POF1B: variants seen among roughly 807,000 people sequenced by gnomAD.
POF1B encodes protein POF1B.
In POF1B, 53 loss-of-function variants were observed where a neutral mutation model predicts 55.3. The ratio of observed to expected loss-of-function variants is 0.96; its 90% CI spans 0.77 to 1.20. The LOEUF (loss-of-function observed/expected upper bound fraction) is 1.20. POF1B is among the 50% of genes most tolerant of loss of function. The pLI, the probability that POF1B is intolerant of heterozygous loss-of-function variation, is 0.00. For synonymous variants in POF1B, 188 were observed against 148.3 expected, an observed-to-expected ratio of 1.27 and a Z score of -1.95; for missense variants, 478 against 420.5, an observed-to-expected ratio of 1.14 and a Z score of -1.20.
intron 3 of POF1B, among the ~76,000 whole-genome samples, chrX:85,361,759 T>C (rs1037125443): frequency 7.2e-5 from 8 of 111,703 alleles, no homozygotes; most frequent in African/African-American, 2.6e-4. Flanking sequence ...ATATCCTTGG[T>C]AGTTTAATAG....
chrX:85,326,281 CG>C (rs146420757), intron 7 of POF1B, among the ~76,000 whole-genome samples: 4,764 of 111,512 alleles, frequency 0.043, 154 homozygotes, highest in South Asian at 0.33. Context: ...ATGGTGGTGG[CG>C]GGGGAGGTAT....
chrX:85,307,341 G>A, intron 10 of POF1B, 65 bp from the exon 11 acceptor site: 2 of 664,691 alleles, frequency 3.0e-6, no homozygotes, highest in Non-Finnish European at 4.5e-6. Flanking sequence ...ATAATACAAA[G>A]ACTTGCTTAC....
At chrX:85,352,650 G>C (rs931436726) in intron 4 of POF1B, among the ~76,000 whole-genome samples, 1 of 111,307 alleles carries the variant, frequency 9.0e-6, no homozygotes, top group African/African-American at 3.2e-5. Context: ...GACTTCCCTA[G>C]AAGATATTTT....
At chrX:85,313,658 A>G (rs767313735) in intron 9 of POF1B, among the ~76,000 whole-genome samples, 1 of 110,866 alleles carries the variant, frequency 9.0e-6, no homozygotes, top group South Asian at 3.9e-4. Flanking sequence ...TGTCTCTGCC[A>G]GATTTTGGTA....
At chrX:85,376,227 G>A (rs747965350) in intron 2 of POF1B, among the ~76,000 whole-genome samples, 219 of 111,025 alleles carry the variant, frequency 2.0e-3, no homozygotes, top group African/African-American at 5.9e-3. Flanking sequence ...AAAATACCTC[G>A]AACTTCATGA....
intron 15 of POF1B, among the ~76,000 whole-genome samples, chrX:85,294,290 G>C (rs779532979): frequency 8.9e-6 from 1 of 111,752 alleles, no homozygotes; most frequent in Admixed American, 9.5e-5. Context: ...TCTTTGTCTT[G>C]TTCCAGTTCT....
intron 2 of POF1B, among the ~76,000 whole-genome samples, chrX:85,378,688 C>A (rs964959015): frequency 8.9e-6 from 1 of 111,990 alleles, no homozygotes; most frequent in African/African-American, 3.2e-5. Context: ...GACATCTGCA[C>A]CTCTCACTTA....
At chrX:85,360,456 C>T (rs1387071517) in intron 3 of POF1B, among the ~76,000 whole-genome samples, 2 of 101,241 alleles carry the variant, frequency 2.0e-5, no homozygotes, top group African/African-American at 7.4e-5. Context: ...TAATAGCCTA[C>T]AACTCCATCC....
rs184446080 is a variant in POF1B, at chrX:85,318,213, G to A, written c.855-2479C>T. 8.7e-3 allele frequency among the ~76,000 whole-genome samples: 960 copies of A among 110,610 alleles called. 1 individual carries two copies. Among genetic ancestry groups the A allele is most frequent in the Non-Finnish European group, 0.015 (792 of 52,284 alleles). ...GTAACAAGCCTGTACTTGTAATCCCGAACTTTAAAAAAATGTTTAAATTCC... is the reference window on the plus strand; with the variant it reads ...GTAACAAGCCTGTACTTGTAATCCCAAACTTTAAAAAAATGTTTAAATTCC... On this transcript the variant is annotated intron_variant, in intron 7 of 16. Transcript: ENST00000262753.
intron 16 of POF1B, 179 bp downstream of exon 16, chrX:85,282,024 G>T: frequency 5.0e-6 from 2 of 402,186 alleles, no homozygotes; most frequent in Non-Finnish European, 7.5e-6. Context: ...CAATTATATT[G>T]CCACATGTAT....
In POF1B at chrX:85,314,427, C is replaced by T. The variant is rs749154772; in HGVS notation, c.957+5G>A. On this transcript the variant is annotated splice_donor_5th_base_variant and intron_variant, in intron 9 of 16. Coordinates refer to ENST00000262753, the MANE Select transcript of POF1B (RefSeq NM_024921.4). ...TTCACACATCCACTCTTGACCCCAA[C>T]TCACCTGCAGAATGTAGCGTATTTG... 4 of 1,186,903 alleles carry T rather than the reference C, an allele frequency of 3.4e-6. No homozygotes were observed. The Admixed American group carries it at 9.3e-5, about 28-fold the overall frequency.
At chrX:85,354,984 G>A (rs184324436) in intron 4 of POF1B, among the ~76,000 whole-genome samples, 2 of 111,562 alleles carry the variant, frequency 1.8e-5, no homozygotes, top group East Asian at 5.7e-4. Context: ...AACCAAAAAA[G>A]AGCCCACATT....
At chrX:85,320,792 C>T (rs149967480) in intron 7 of POF1B, among the ~76,000 whole-genome samples, 2 of 111,299 alleles carry the variant, frequency 1.8e-5, no homozygotes, top group Non-Finnish European at 3.8e-5. Flanking sequence ...TACAAACTAC[C>T]ATCAGAGAAT....
chrX:85,307,303 T>C, intron 10 of POF1B, 27 bp from the exon 11 acceptor site: 1 of 1,043,568 alleles, frequency 9.6e-7, no homozygotes. Context: ...TTTATTATGA[T>C]TCAGAATTGC....
chrX:85,360,599 G>T (rs1933598936), intron 3 of POF1B, among the ~76,000 whole-genome samples: 2 of 91,506 alleles, frequency 2.2e-5, no homozygotes, highest in African/African-American at 9.2e-5. Context: ...GTCATTATTG[G>T]GCATAGTGAT....
chrX:85,322,055 G>C (rs968663398), intron 7 of POF1B, among the ~76,000 whole-genome samples: 1 of 110,781 alleles, frequency 9.0e-6, no homozygotes, highest in Non-Finnish European at 1.9e-5. Flanking sequence ...TCCCCATCAA[G>C]CTACCAATGA....
Position 85,314,513 on chromosome X carries a change from G to A in POF1B, c.883-7C>T, listed in dbSNP as rs1569285240. ...ATGATTCAATGTCTTCCGACTGTAA[G>A]AAAAAAAGGCTTATCCATGGAACAG... On this transcript the variant is annotated splice_region_variant and splice_polypyrimidine_tract_variant and intron_variant, in intron 8 of 16. Coordinates refer to ENST00000262753, the MANE Select transcript of POF1B (RefSeq NM_024921.4). The A allele has an allele frequency of 2.6e-6, 3 of 1,170,135 alleles. No individual in the cohort carries two copies. The highest frequency in any genetic ancestry group is 2.5e-5 in the Admixed American group (1 of 40,785).
At chrX:85,346,639 T>C (rs1185384560) in intron 5 of POF1B, among the ~76,000 whole-genome samples, 3 of 110,378 alleles carry the variant, frequency 2.7e-5, no homozygotes, top group Non-Finnish European at 3.8e-5. Flanking sequence ...AAACTGTATA[T>C]GCAACCTTTA....
intron 2 of POF1B, 95 bp downstream of exon 2, chrX:85,379,078 A>T: frequency 1.0e-6 from 1 of 989,886 alleles, no homozygotes; most frequent in Non-Finnish European, 1.4e-6. Flanking sequence ...ACCAAAAGAT[A>T]TCCTGTGGAA....
Sources: allele counts gnomAD v4.1 joint callset (sites outside exome capture counted in the v4.1 genomes callset), GRCh38; gene constraint gnomAD v4.1.1; transcripts MANE v1.5; gene names NCBI Gene and HGNC (gene_info 2026-07-23, HGNC 2026-07-21).